Variants in KLF12 observed in about 807,000 individuals in gnomAD.
KLF12 encodes the protein KLF transcription factor 12.
KLF12 carries 9 observed loss-of-function variants against 37.8 expected under a neutral mutation model. That is an observed-to-expected ratio of 0.24 (90% confidence interval 0.14 to 0.42). The LOEUF (loss-of-function observed/expected upper bound fraction) is 0.42, where lower values mean the gene tolerates loss of function less well. KLF12 is among the 10% of genes least tolerant of loss of function. The pLI, the probability that KLF12 is intolerant of heterozygous loss-of-function variation, is 1.00. For synonymous variants in KLF12, 208 were observed against 202.1 expected (o/e 1.03, Z -0.25); for missense variants, 411 against 516.0 (o/e 0.80, Z 1.97).
At chr13:73,855,766 T>C (rs1885578194) in intron 3 of KLF12, among the ~76,000 whole-genome samples, 2 of 152,306 alleles carry the variant, frequency 1.3e-5, no homozygotes, top group South Asian at 4.1e-4. Flanking sequence ...TTACTTTTGT[T>C]TACTTAACAA....
At chr13:74,139,297 G>T in the KLF12 span, among the ~76,000 whole-genome samples, 1 of 152,138 alleles carries the variant, frequency 6.6e-6, no homozygotes, top group Non-Finnish European at 1.5e-5. Flanking sequence ...CTCAGAACAA[G>T]AGCTGTACTT....
the KLF12 span, among the ~76,000 whole-genome samples, chr13:74,208,534 T>A: frequency 6.6e-6 from 1 of 152,210 alleles, no homozygotes. Flanking sequence ...TTATAGATCA[T>A]TTTATTGAAA....
chr13:73,808,692 G>C (rs79452727), intron 5 of KLF12, among the ~76,000 whole-genome samples: 10,950 of 152,174 alleles, frequency 0.072, 556 homozygotes, highest in Non-Finnish European at 0.11. Context: ...TACTAGCTCA[G>C]GAATGTTCAC....
chr13:73,795,182 C>A (rs1881893165), intron 5 of KLF12, among the ~76,000 whole-genome samples: 1 of 152,220 alleles, frequency 6.6e-6, no homozygotes, highest in African/African-American at 2.4e-5. Flanking sequence ...TCTGCCTGAT[C>A]CACGCAGACC....
chr13:73,916,140 TAAA>T (rs1223759852), intron 3 of KLF12, among the ~76,000 whole-genome samples: 1 of 151,612 alleles, frequency 6.6e-6, no homozygotes, highest in African/African-American at 2.4e-5. Flanking sequence ...CTTTCATAAT[TAAA>T]AAGCATAAAT....
chr13:73,745,766 C>A (rs1265582662), intron 6 of KLF12, among the ~76,000 whole-genome samples: 12 of 152,054 alleles, frequency 7.9e-5, no homozygotes, highest in African/African-American at 2.9e-4. Context: ...AAAAATAGCA[C>A]CAAGATTCTA....
At chr13:73,820,525 C>T (rs553200384) in intron 4 of KLF12, among the ~76,000 whole-genome samples, 63 of 152,250 alleles carry the variant, frequency 4.1e-4, no homozygotes, top group Non-Finnish European at 7.6e-4. Flanking sequence ...ACTAATGTTT[C>T]GACAATGCCT....
intron 3 of KLF12, among the ~76,000 whole-genome samples, chr13:73,861,816 G>C (rs2138808165): frequency 6.6e-6 from 1 of 152,214 alleles, no homozygotes; most frequent in South Asian, 2.1e-4. Flanking sequence ...TTAGGTACTG[G>C]TATGAATGCT....
intron 1 of KLF12, among the ~76,000 whole-genome samples, chr13:74,072,390 TATATATATATATATATAA>T (rs1417655468): frequency 7.8e-6 from 1 of 128,324 alleles, no homozygotes; most frequent in African/African-American, 3.0e-5. Flanking sequence ...TATATATATA[TATATATATATATATATAA>T]AAGATTATCT....
intron 1 of KLF12, among the ~76,000 whole-genome samples, chr13:74,076,990 G>C (rs1024111388): frequency 6.6e-6 from 1 of 152,102 alleles, no homozygotes; most frequent in African/African-American, 2.4e-5. Flanking sequence ...TCTTTATTAT[G>C]GCTGCATGGT....
intron 1 of KLF12, among the ~76,000 whole-genome samples, chr13:74,105,326 C>T (rs992314737): frequency 6.6e-6 from 1 of 151,844 alleles, no homozygotes; most frequent in African/African-American, 2.4e-5. Flanking sequence ...GGGTTTTGTC[C>T]CTAAATATCC....
At chr13:73,933,089 TAATA>T (rs1889760735) in intron 3 of KLF12, among the ~76,000 whole-genome samples, 1 of 152,194 alleles carries the variant, frequency 6.6e-6, no homozygotes. Flanking sequence ...CTTTATTTAC[TAATA>T]AAAACAATAT....
At chr13:73,932,405 A>G (rs779212068) in intron 3 of KLF12, among the ~76,000 whole-genome samples, 15 of 152,342 alleles carry the variant, frequency 9.8e-5, no homozygotes, top group Admixed American at 2.0e-4. Context: ...AAACAGATCA[A>G]AATTGTCACC....
the KLF12 span, among the ~76,000 whole-genome samples, chr13:74,204,140 T>C: frequency 1.3e-5 from 2 of 152,136 alleles, no homozygotes; most frequent in African/African-American, 4.8e-5. Flanking sequence ...GTTTTTAAAT[T>C]CCAGTTTTTT....
chr13:73,921,683 T>A (rs1032692848), intron 3 of KLF12, among the ~76,000 whole-genome samples: 2 of 152,194 alleles, frequency 1.3e-5, no homozygotes, highest in African/African-American at 4.8e-5. Flanking sequence ...TAATACATGT[T>A]AAATCTAATA....
At chr13:74,254,539 T>C in the KLF12 span, among the ~76,000 whole-genome samples, 5 of 152,200 alleles carry the variant, frequency 3.3e-5, no homozygotes, top group African/African-American at 4.8e-5. Flanking sequence ...CACAGAAATA[T>C]AGCAAAGCTG....
upstream of KLF12, among the ~76,000 whole-genome samples, chr13:74,136,635 G>T (rs1878564134): frequency 6.6e-6 from 1 of 152,180 alleles, no homozygotes; most frequent in Non-Finnish European, 1.5e-5. Context: ...AAAGCAAACT[G>T]CACTGCCTTC....
At chr13:73,960,169 TTA>T (rs1890974984) in intron 2 of KLF12, among the ~76,000 whole-genome samples, 1 of 152,152 alleles carries the variant, frequency 6.6e-6, no homozygotes, top group African/African-American at 2.4e-5. Context: ...GATGAATAGA[TTA>T]TGAGACATTC....
At chr13:74,032,133 C>T (rs1893131514) in intron 1 of KLF12, among the ~76,000 whole-genome samples, 1 of 152,094 alleles carries the variant, frequency 6.6e-6, no homozygotes, top group South Asian at 2.1e-4. Context: ...TGTTGGTGCA[C>T]TATAAAAATA....
Sources: gnomAD v4.1 joint callset for allele counts (sites outside exome capture counted in the v4.1 genomes callset) on GRCh38, gnomAD v4.1.1 for gene constraint, MANE v1.5 for transcripts, NCBI Gene and HGNC (gene_info 2026-07-23, HGNC 2026-07-21) for gene names.